The following CPNE3 variants were observed in gnomAD, a reference collection of about 807,000 sequenced individuals.
The protein encoded by CPNE3 is copine 3.
A neutral mutation model predicts 63.9 loss-of-function variants in CPNE3; 68 were observed. The observed-to-expected ratio is 1.06, with a 90% CI of 0.87 to 1.30. The LOEUF (loss-of-function observed/expected upper bound fraction) is 1.30, where lower values mean the gene tolerates loss of function less well. Ranked by LOEUF, CPNE3 falls within the 50% of genes most tolerant of loss-of-function variation. The pLI, the probability that CPNE3 is intolerant of heterozygous loss-of-function variation, is 0.00. For synonymous variants in CPNE3, 219 were observed against 197.5 expected (o/e 1.11, Z -0.91); for missense variants, 665 against 578.1 (o/e 1.15, Z -1.54).
intron 2 of CPNE3, among the ~76,000 whole-genome samples, chr8:86,523,444 A>G (rs1820477159): frequency 6.6e-6 from 1 of 152,214 alleles, no homozygotes; most frequent in Non-Finnish European, 1.5e-5. Flanking sequence ...CGCTGCCCAC[A>G]GTTCACAGTA....
chr8:86,553,347 G>C (rs764053931), intron 14 of CPNE3, among the ~76,000 whole-genome samples: 52 of 152,092 alleles, frequency 3.4e-4, no homozygotes, highest in Non-Finnish European at 5.7e-4. Context: ...TTTAAGAGAA[G>C]AGAGTTGGTT....
chr8:86,516,293 G>A (rs922596877), intron 2 of CPNE3, among the ~76,000 whole-genome samples: 4 of 152,214 alleles, frequency 2.6e-5, no homozygotes, highest in South Asian at 4.1e-4. Flanking sequence ...CAGGACGGGA[G>A]AAACAGAAGG....
rs1469034040 is a variant in CPNE3, at chr8:86,556,182, C to T, written c.1335C>T (p.Ser445=). The T allele has an allele frequency of 1.1e-6, 1 of 872,910 alleles. No homozygotes were observed. Among genetic ancestry groups the T allele is most frequent in the African/African-American group, 1.6e-5 (1 of 61,326 alleles). The allele number at this position is 872,910 out of a possible 1,614,324, so 54.1% of individuals were successfully genotyped here. The change falls in exon 16 of 17, where the codon TCC becomes TCT. Residue 445 remains serine, a synonymous_variant. Transcript: ENST00000517490. ...CCAGACAAGCTATAGTTAATGCCTCCAGGCTGCCTATGTCCATCATAATTG... is the reference window on the plus strand; with the variant it reads ...CCAGACAAGCTATAGTTAATGCCTCTAGGCTGCCTATGTCCATCATAATTG... ...DETRQAIVNA[S]RLPMSIIIVG...
intron 16 of CPNE3, 108 bp downstream of exon 16, chr8:86,556,446 C>A: frequency 1.3e-6 from 1 of 757,290 alleles, no homozygotes; most frequent in Non-Finnish European, 2.4e-6. Context: ...GATGTGTGAA[C>A]ACTTTCCTTT....
At chr8:86,546,910 C>T (rs2131482629) in intron 10 of CPNE3, among the ~76,000 whole-genome samples, 1 of 152,242 alleles carries the variant, frequency 6.6e-6, no homozygotes, top group Middle Eastern at 3.4e-3. Context: ...AGGGTTTCAC[C>T]ATGTTGGCCA....
chr8:86,550,874 G>T, intron 12 of CPNE3, 172 bp from the exon 13 acceptor site: 1 of 622,886 alleles, frequency 1.6e-6, no homozygotes, highest in South Asian at 2.9e-5. Context: ...AAAATATTTA[G>T]GATGAGAGTT....
Position 86,536,142 on chromosome 8 carries a change from A to G in CPNE3, c.460-1421A>G, listed in dbSNP as rs543222141. On this transcript the variant is annotated intron_variant, in intron 6 of 16. Coordinates refer to ENST00000517490, the MANE Select transcript of CPNE3 (RefSeq NM_003909.5). ...CCTCCATGTAGATAATAATTTTTAAAAAGTTGTGTTTTATAATTTAATCAT... is the reference window on the plus strand; with the variant it reads ...CCTCCATGTAGATAATAATTTTTAAGAAGTTGTGTTTTATAATTTAATCAT... Among the ~76,000 whole-genome samples, 6 of 151,696 alleles carry G rather than the reference A, an allele frequency of 4.0e-5. No homozygotes were observed. In the East Asian group the frequency reaches 1.2e-3, roughly 29 times the overall value.
intron 6 of CPNE3, among the ~76,000 whole-genome samples, chr8:86,534,693 C>T (rs1324746440): frequency 1.3e-5 from 2 of 152,024 alleles, no homozygotes; most frequent in South Asian, 2.1e-4. Flanking sequence ...ATAGTGATAT[C>T]GTCACTCTAT....
At chr8:86,526,497 C>T (rs1206174842) in intron 2 of CPNE3, among the ~76,000 whole-genome samples, 1 of 147,900 alleles carries the variant, frequency 6.8e-6, no homozygotes, top group African/African-American at 2.6e-5. Context: ...ATATAAGATA[C>T]ATATTTTTTG....
chr8:86,543,099 C>T (rs1242820688), intron 8 of CPNE3, among the ~76,000 whole-genome samples: 1 of 152,018 alleles, frequency 6.6e-6, no homozygotes. Flanking sequence ...TCTACCTTAT[C>T]TAAATATTAC....
At position 86,546,699 on chromosome 8, in the gene CPNE3, A is replaced by T. The variant is rs1440631473; in HGVS notation, c.819+18A>T. On this transcript the variant is annotated intron_variant, in intron 10 of 16. Transcript: ENST00000517490. ...AGTGTGAGGTCCGTTGGCCTTGGCT[A>T]CTTATTTTTATTTATTTATTTATTC... 1 of 1,578,806 alleles carries T rather than the reference A, an allele frequency of 6.3e-7. No homozygotes were observed. The highest frequency in any genetic ancestry group is 1.2e-5 in the South Asian group (1 of 83,336).
chr8:86,537,541 T>G, intron 6 of CPNE3, 22 bp from the exon 7 acceptor site: 1 of 1,473,102 alleles, frequency 6.8e-7, no homozygotes, highest in Non-Finnish European at 9.5e-7. Flanking sequence ...CAAATGCTTT[T>G]TGTTGTTTGT....
chr8:86,544,860 G>T, intron 9 of CPNE3, 22 bp downstream of exon 9: 1 of 1,383,306 alleles, frequency 7.2e-7, no homozygotes, highest in South Asian at 1.3e-5. Flanking sequence ...CCTTGCATTT[G>T]CATATACTTT....
chr8:86,560,829 A>G lies in CPNE3; in HGVS notation c.*2419A>G, dbSNP rs1821424865. The G allele has an allele frequency of 1.3e-5, 2 of 152,164 alleles. No individual in the cohort carries two copies. Among genetic ancestry groups the G allele is most frequent in the South Asian group, 4.1e-4 (2 of 4,824 alleles). The allele number at this position is 152,164 out of a possible 1,614,324, so 9.4% of individuals were successfully genotyped here. ...CCTTTTCCCTGTTGTGCCACCATTC[A>G]TTTAAGTGCTGTTTGTTCTTAAAAT... On this transcript the variant is annotated 3_prime_UTR_variant, in exon 17 of 17. Transcript: ENST00000517490.
In CPNE3 at chr8:86,559,534, AC is replaced by A. The variant is rs1821391868; in HGVS notation, c.*1125del. On this transcript the variant is annotated 3_prime_UTR_variant, in exon 17 of 17. Coordinates refer to ENST00000517490, the MANE Select transcript of CPNE3 (RefSeq NM_003909.5). ...TAATAATGTGATATTTCCTATGTCT[AC>A]AGCATACCTTATTAGGTATAAAACC... 2 of 152,276 alleles carry A rather than the reference AC, an allele frequency of 1.3e-5. No homozygotes were observed. The highest frequency in any genetic ancestry group is 2.9e-5 in the Non-Finnish European group (2 of 68,022). 9.4% of individuals were successfully genotyped at this position (152,276 alleles called of 1,614,324 possible).
intron 4 of CPNE3, among the ~76,000 whole-genome samples, chr8:86,529,485 G>C (rs1329070370): frequency 6.6e-6 from 1 of 151,974 alleles, no homozygotes; most frequent in East Asian, 1.9e-4. Flanking sequence ...TAACTAGTGA[G>C]ACTGGCACCT....
At chr8:86,534,968 T>C (rs1329412156) in intron 6 of CPNE3, among the ~76,000 whole-genome samples, 1 of 152,202 alleles carries the variant, frequency 6.6e-6, no homozygotes, top group Non-Finnish European at 1.5e-5. Flanking sequence ...CTGTAATGGA[T>C]TACTTCTCAT....
chr8:86,521,719 G>A (rs572517304), intron 2 of CPNE3: 1 of 152,232 alleles, frequency 6.6e-6, no homozygotes, highest in East Asian at 1.9e-4. Flanking sequence ...TCCCATGTAA[G>A]TAATTTAACC....
intron 14 of CPNE3, among the ~76,000 whole-genome samples, chr8:86,552,878 C>T (rs1821214026): frequency 9.3e-6 from 1 of 107,050 alleles, no homozygotes; most frequent in Admixed American, 1.2e-4. Context: ...TTGCTCTTTT[C>T]CCCCAGGCTG....
Sources: gnomAD v4.1 joint callset for allele counts (sites outside exome capture counted in the v4.1 genomes callset) on GRCh38, gnomAD v4.1.1 for gene constraint, MANE v1.5 for transcripts, NCBI Gene and HGNC (gene_info 2026-07-23, HGNC 2026-07-21) for gene names.